Variants in NAV1 observed in about 807,000 individuals in gnomAD.
The protein encoded by NAV1 is neuron navigator 1, also known as pore membrane and/or filament interacting like protein 3.
Under a neutral mutation model 175.2 loss-of-function variants are expected in NAV1, and 18 were observed. The observed-to-expected ratio is 0.10, with a 90% CI of 0.07 to 0.15. NAV1 has a LOEUF of 0.15. Among genes scored for constraint, NAV1 ranks in the 10% least tolerant of loss-of-function variants. The pLI is 1.00. For missense variants in NAV1, 1,731 were observed against 2,436.6 expected (o/e 0.71, Z 6.10); for synonymous variants, 897 against 978.7 (o/e 0.92, Z 1.56).
chr1:201,707,973 G>C (rs541226336), intron 1 of NAV1, among the ~76,000 whole-genome samples: 9 of 152,292 alleles, frequency 5.9e-5, no homozygotes, highest in African/African-American at 2.2e-4. Flanking sequence ...CAGTCCCCTG[G>C]CTCAAATTAA....
chr1:201,780,628 G>A (rs1676263895), intron 4 of NAV1, 69 bp downstream of exon 8: 2 of 1,598,754 alleles, frequency 1.3e-6, no homozygotes, highest in South Asian at 1.1e-5. Context: ...CATTATCTGT[G>A]TATGGGGTTG....
At chr1:201,722,302 G>A (rs956086699) in intron 3 of NAV1, among the ~76,000 whole-genome samples, 3 of 152,004 alleles carry the variant, frequency 2.0e-5, no homozygotes, top group Non-Finnish European at 1.5e-5. Flanking sequence ...TCTACTTTTC[G>A]TCTCTATGAA....
intron 1 of NAV1, among the ~76,000 whole-genome samples, chr1:201,670,586 A>G (rs548161958): frequency 0.15 from 22,239 of 150,970 alleles, 1,767 homozygotes; most frequent in African/African-American, 0.21. Flanking sequence ...TGGTTTGATG[A>G]TAGAGATGAT....
At chr1:201,817,044 A>C in intron 28 of NAV1, 44 bp from the exon 33 acceptor site, 1 of 1,581,468 alleles carries the variant, frequency 6.3e-7, no homozygotes, top group Non-Finnish European at 8.7e-7. Context: ...CAAGCCTCTA[A>C]TCTGTTAATT....
intron 1 of NAV1, among the ~76,000 whole-genome samples, chr1:201,687,020 C>T (rs1352198932): frequency 1.3e-5 from 2 of 152,218 alleles, no homozygotes; most frequent in Non-Finnish European, 2.9e-5. Context: ...CCTTTCAGCT[C>T]CTTGCCAGCT....
chr1:201,756,828 C>CTT lies in NAV1; in HGVS notation c.1227-23591_1227-23590dup, dbSNP rs773436579. Among the ~76,000 whole-genome samples the CTT allele has an allele frequency of 1.4e-4, 3 of 21,360 alleles. No homozygotes were observed. The Non-Finnish European group carries it at 1.5e-3, about 11-fold the overall frequency. The allele number at this position is 21,360 out of a possible 152,430, so 14.0% of individuals were successfully genotyped here. On this transcript the variant is annotated intron_variant, in intron 3 of 29. Coordinates refer to ENST00000367296, the Ensembl canonical transcript of NAV1. ...TCTTTCCTTCTTTCTTTCTTTCTTT[C>CTT]TTTCTTTCTTTCTTTCTTTCTTTCT...
rs1370513346 is a variant in NAV1, at chr1:201,810,653, G to A, written c.4692G>A (p.Lys1564=). The change falls in exon 24 of 30, where the codon AAG becomes AAA. Residue 1564 remains lysine, a synonymous_variant. Transcript: ENST00000367296. The surrounding 1 kb of genome is among the most constrained non-coding windows in gnomAD (Gnocchi z 6.0). ...TCTCGGGCCCCAGCGGCACGGGCAA[G>A]ACCTACCTGACCAATCGCTTGGCCG... 6.2e-7 allele frequency: 1 copy of A among 1,614,140 alleles called. No individual in the cohort carries two copies. The highest frequency in any genetic ancestry group is 1.1e-5 in the South Asian group (1 of 91,082).
chr1:201,763,494 C>G (rs1356862045), intron 3 of NAV1, among the ~76,000 whole-genome samples: 1 of 152,114 alleles, frequency 6.6e-6, no homozygotes, highest in Non-Finnish European at 1.5e-5. Flanking sequence ...CATTCCCACT[C>G]CTGTGAAAGA....
At chr1:201,541,298 G>A (rs1665507195) in intron 1 of NAV1, among the ~76,000 whole-genome samples, 1 of 152,128 alleles carries the variant, frequency 6.6e-6, no homozygotes, top group African/African-American at 2.4e-5. Flanking sequence ...AGCATTCAAA[G>A]GCCTCCTATC....
chr1:201,638,557 TC>T (rs889966670), intron 2 of NAV1, among the ~76,000 whole-genome samples: 5 of 152,248 alleles, frequency 3.3e-5, no homozygotes, highest in Admixed American at 3.3e-4. Context: ...TCCCAGACTT[TC>T]CTGCTGTGGG....
chr1:201,544,244 C>A (rs1665603105), intron 1 of NAV1, among the ~76,000 whole-genome samples: 1 of 152,216 alleles, frequency 6.6e-6, no homozygotes, highest in African/African-American at 2.4e-5. Flanking sequence ...GATTTTGATG[C>A]ACTGTGAGGG....
chr1:201,567,470 T>C (rs1571824708), intron 1 of NAV1, among the ~76,000 whole-genome samples: 1 of 152,220 alleles, frequency 6.6e-6, no homozygotes, highest in Admixed American at 6.5e-5. Flanking sequence ...GCTGGAGGAC[T>C]GAGGCGAAGC....
chr1:201,809,393 G>A, intron 21 of NAV1, 49 bp from the exon 26 acceptor site: 1 of 1,602,524 alleles, frequency 6.2e-7, no homozygotes, highest in South Asian at 1.1e-5. Flanking sequence ...CCGGTTCATG[G>A]AGTCATCTGC....
chr1:201,608,286 A>G (rs1052939237), intron 2 of NAV1, among the ~76,000 whole-genome samples: 3 of 152,226 alleles, frequency 2.0e-5, no homozygotes, highest in Non-Finnish European at 2.9e-5. Flanking sequence ...ACTTATAAAA[A>G]GTGAATGCTG....
intron 2 of NAV1, among the ~76,000 whole-genome samples, chr1:201,608,805 G>A (rs1210955925): frequency 6.6e-5 from 10 of 152,196 alleles, no homozygotes; most frequent in Admixed American, 5.9e-4. Flanking sequence ...CCCTCCGTGC[G>A]TGACTACCAC....
intron 2 of NAV1, among the ~76,000 whole-genome samples, chr1:201,594,618 A>C (rs1223017867): frequency 6.6e-6 from 1 of 152,244 alleles, no homozygotes; most frequent in Non-Finnish European, 1.5e-5. Flanking sequence ...GGCAGGCAGC[A>C]AAGTAGCATT....
chr1:201,740,433 G>T lies in NAV1; in HGVS notation c.1226+21678G>T, dbSNP rs1673344184. On this transcript the variant is annotated intron_variant, in intron 3 of 29. Transcript: ENST00000367296. This position sits in a 1 kb window ranked among gnomAD's most constrained non-coding sequence, Gnocchi z 4.7. ...AACTTGATTGAACTTCGATGGTTGC[G>T]GCTGTGGCGCGTGGGGGCCCGGCCT... Among the ~76,000 whole-genome samples the T allele has an allele frequency of 6.6e-6, 1 of 152,206 alleles. No homozygotes were observed. The highest frequency in any genetic ancestry group is 1.5e-5 in the Non-Finnish European group (1 of 68,042).
At chr1:201,758,002 A>G (rs1224998757) in intron 3 of NAV1, among the ~76,000 whole-genome samples, 1 of 151,996 alleles carries the variant, frequency 6.6e-6, no homozygotes, top group Non-Finnish European at 1.5e-5. Context: ...CCCCATCCAT[A>G]TGTCTCAGTA....
intron 2 of NAV1, among the ~76,000 whole-genome samples, chr1:201,607,365 T>A (rs924852092): frequency 3.3e-5 from 5 of 151,960 alleles, no homozygotes; most frequent in African/African-American, 4.8e-5. Context: ...TCCACCCACC[T>A]CGGCCTCCCA....
Sources: gnomAD v4.1 joint callset for allele counts (sites outside exome capture counted in the v4.1 genomes callset) on GRCh38, gnomAD v4.1.1 for gene constraint, Gnocchi (gnomAD v3.1) non-coding constraint, MANE v1.5 for transcripts, NCBI Gene and HGNC (gene_info 2026-07-23, HGNC 2026-07-21) for gene names.